The following PRIM2 variants were observed in gnomAD, a reference collection of about 807,000 sequenced individuals.
The protein encoded by PRIM2 is DNA primase large subunit.
In PRIM2, 39 loss-of-function variants were observed where a neutral mutation model predicts 67.3. The observed-to-expected ratio is 0.58, with a 90% CI of 0.45 to 0.76. The LOEUF is 0.76. Ranked by LOEUF, PRIM2 falls within the 30% of genes least tolerant of loss-of-function variation. PRIM2 has a pLI of 0.00. For synonymous variants in PRIM2, 143 were observed against 198.7 expected, an observed-to-expected ratio of 0.72 and a Z score of 2.36; for missense variants, 398 against 598.7, an observed-to-expected ratio of 0.66 and a Z score of 3.50.
chr6:57,434,635 T>G (rs1357431819), intron 7 of PRIM2, among the ~76,000 whole-genome samples: 3 of 151,812 alleles, frequency 2.0e-5, no homozygotes, highest in Non-Finnish European at 2.9e-5. Context: ...ACATTTCTTT[T>G]AATCTCTTGA....
the PRIM2 span, among the ~76,000 whole-genome samples, chr6:57,292,087 T>A: frequency 6.6e-6 from 1 of 152,094 alleles, no homozygotes; most frequent in Admixed American, 6.5e-5. Flanking sequence ...GATTGTATAT[T>A]TAGAAAACCC....
rs1425703362 is a variant in PRIM2 at position 57,500,023 on chromosome 6, T to G, written c.694-7364T>G. Among the ~76,000 whole-genome samples the G allele has an allele frequency of 1.4e-3, 200 of 138,204 alleles. 1 individual carries two copies. The highest frequency in any genetic ancestry group is 4.9e-3 in the African/African-American group (177 of 35,952). The allele number at this position is 138,204 out of a possible 152,430, so 90.7% of individuals were successfully genotyped here. A position where few individuals can be genotyped will look rare whatever the true frequency, so the allele number is the denominator to read the frequency against. On this transcript the variant is annotated intron_variant, in intron 7 of 13. Coordinates refer to ENST00000615550, the MANE Select transcript of PRIM2 (RefSeq NM_000947.5). ...AGCATGCCTAAAATGAAACTTACAA[T>G]TTTCCTTCATTTCCCACCTTCCTCT... is the stretch of plus-strand genomic sequence containing the variant.
At chr6:57,581,209 A>G (rs1277595552) in intron 10 of PRIM2, among the ~76,000 whole-genome samples, 1 of 152,122 alleles carries the variant, frequency 6.6e-6, no homozygotes, top group African/African-American at 2.4e-5. Flanking sequence ...TGAAAAGACC[A>G]TTTATTCAAG....
intron 5 of PRIM2, among the ~76,000 whole-genome samples, chr6:57,377,572 A>G (rs2127331110): frequency 6.6e-6 from 1 of 151,608 alleles, no homozygotes. Context: ...CAGAATCACT[A>G]GATAAGTTGA....
At chr6:57,636,437 AT>A (rs1268403848) in intron 13 of PRIM2, among the ~76,000 whole-genome samples, 1 of 152,174 alleles carries the variant, frequency 6.6e-6, no homozygotes, top group Non-Finnish European at 1.5e-5. Context: ...CCCTAAGTTT[AT>A]TTTCCTAAAC....
chr6:57,516,913 T>C (rs1489296507), intron 8 of PRIM2, among the ~76,000 whole-genome samples: 1 of 152,038 alleles, frequency 6.6e-6, no homozygotes, highest in African/African-American at 2.4e-5. Flanking sequence ...ATAGTGGAGG[T>C]ATGTGATTAT....
At chr6:57,600,278 G>A (rs1459143824) in intron 10 of PRIM2, among the ~76,000 whole-genome samples, 2 of 151,986 alleles carry the variant, frequency 1.3e-5, no homozygotes, top group African/African-American at 4.8e-5. Context: ...GGCAGTTGTA[G>A]TACTTCATTC....
intron 13 of PRIM2, among the ~76,000 whole-genome samples, chr6:57,632,868 C>T (rs1200224538): frequency 2.0e-5 from 3 of 152,218 alleles, no homozygotes; most frequent in Admixed American, 2.0e-4. Context: ...TGCATATGGA[C>T]CCCTAACTAT....
chr6:57,443,485 A>AT (rs1772267023), intron 7 of PRIM2, among the ~76,000 whole-genome samples: 1 of 151,974 alleles, frequency 6.6e-6, no homozygotes, highest in Non-Finnish European at 1.5e-5. Flanking sequence ...TTGATTTTTC[A>AT]TTTTCCTAAT....
At chr6:57,522,721 G>A (rs1774651675) in intron 8 of PRIM2, among the ~76,000 whole-genome samples, 3 of 152,146 alleles carry the variant, frequency 2.0e-5, no homozygotes, top group African/African-American at 4.8e-5. Context: ...TATGGACTAA[G>A]TCTTTGAAAT....
intron 12 of PRIM2, among the ~76,000 whole-genome samples, chr6:57,617,208 T>G (rs1177561155): frequency 1.3e-5 from 2 of 152,234 alleles, no homozygotes; most frequent in Non-Finnish European, 2.9e-5. Flanking sequence ...AACTCTATCT[T>G]TATTTTCACA....
rs1330647663 is a variant in PRIM2, at chr6:57,566,693, C to T, written c.1020+29068C>T. Among the ~76,000 whole-genome samples the T allele has an allele frequency of 3.3e-5, 5 of 152,188 alleles. No homozygotes were observed. In the South Asian group the frequency reaches 1.0e-3, roughly 32 times the overall value. On this transcript the variant is annotated intron_variant, in intron 10 of 13. Transcript: ENST00000615550. ...TAACAGGTTCTTCTTTGTTGTTGTACGTATAGCTTTAAAAGTTAAGGGATG... is the reference window on the plus strand; with the variant it reads ...TAACAGGTTCTTCTTTGTTGTTGTATGTATAGCTTTAAAAGTTAAGGGATG...
At chr6:57,423,004 T>C (rs1417396883) in intron 7 of PRIM2, among the ~76,000 whole-genome samples, 1 of 152,216 alleles carries the variant, frequency 6.6e-6, no homozygotes, top group East Asian at 1.9e-4. Flanking sequence ...ATTTTCAGTG[T>C]TAGTGCAGAG....
chr6:57,336,216 AC>A (rs1296929268), intron 5 of PRIM2, among the ~76,000 whole-genome samples: 1 of 152,226 alleles, frequency 6.6e-6, no homozygotes, highest in East Asian at 1.9e-4. Context: ...ATGTGAAAAG[AC>A]CAAATCTGCG....
At chr6:57,392,103 G>A (rs1660431388) in intron 7 of PRIM2, among the ~76,000 whole-genome samples, 1 of 152,118 alleles carries the variant, frequency 6.6e-6, no homozygotes, top group Admixed American at 6.6e-5. Context: ...CTGGTTAGCT[G>A]TATTCCTAGG....
At chr6:57,244,074 T>C in the PRIM2 span, among the ~76,000 whole-genome samples, 2 of 152,176 alleles carry the variant, frequency 1.3e-5, no homozygotes, top group Non-Finnish European at 2.9e-5. Flanking sequence ...GGATCTCCCT[T>C]TCTGCAATCA....
intron 8 of PRIM2, among the ~76,000 whole-genome samples, chr6:57,530,708 CT>C (rs1474665431): frequency 4.4e-4 from 65 of 146,996 alleles, no homozygotes; most frequent in African/African-American, 9.2e-4. Context: ...AAATCTGTAC[CT>C]TTTTTTTTTT....
chr6:57,541,101 G>C (rs1775139759), intron 10 of PRIM2, among the ~76,000 whole-genome samples: 1 of 152,154 alleles, frequency 6.6e-6, no homozygotes, highest in African/African-American at 2.4e-5. Flanking sequence ...AGAAACAGTT[G>C]AATTGCTTGA....
chr6:57,288,272 C>G, the PRIM2 span, among the ~76,000 whole-genome samples: 1 of 151,474 alleles, frequency 6.6e-6, no homozygotes, highest in Non-Finnish European at 1.5e-5. Context: ...GTGCTCACAG[C>G]GTAAACAAAG....
Sources: gnomAD v4.1 joint callset for allele counts (sites outside exome capture counted in the v4.1 genomes callset) on GRCh38, gnomAD v4.1.1 for gene constraint, MANE v1.5 for transcripts, NCBI Gene and HGNC (gene_info 2026-07-23, HGNC 2026-07-21) for gene names.